Variants in GRIA4 observed in about 807,000 individuals in gnomAD.
GRIA4 encodes glutamate ionotropic receptor AMPA type subunit 4, also known as glutamate receptor 4.
In GRIA4, 34 loss-of-function variants were observed where a neutral mutation model predicts 104.0. The ratio of observed to expected loss-of-function variants is 0.33; its 90% CI spans 0.25 to 0.44. The LOEUF is 0.44. Ranked by LOEUF, GRIA4 falls within the 20% of genes least tolerant of loss-of-function variation. The pLI, the probability that GRIA4 is intolerant of heterozygous loss-of-function variation, is 1.00. For synonymous variants in GRIA4, 386 were observed against 381.9 expected, an observed-to-expected ratio of 1.01 and a Z score of -0.13; for missense variants, 750 against 1,096.5, an observed-to-expected ratio of 0.68 and a Z score of 4.46.
At chr11:105,864,714 T>TA (rs933195939) in intron 5 of GRIA4, among the ~76,000 whole-genome samples, 3 of 151,766 alleles carry the variant, frequency 2.0e-5, no homozygotes, top group African/African-American at 7.3e-5. Context: ...CTACTAAAAA[T>TA]AAAAAATTAG....
At chr11:105,825,425 G>A (rs549206663) in intron 4 of GRIA4, among the ~76,000 whole-genome samples, 1 of 152,140 alleles carries the variant, frequency 6.6e-6, no homozygotes, top group African/African-American at 2.4e-5. Context: ...GATGCTGCTG[G>A]GTTCAGGCCA....
intron 5 of GRIA4, among the ~76,000 whole-genome samples, chr11:105,863,252 AT>A (rs1945291530): frequency 6.6e-6 from 1 of 152,136 alleles, no homozygotes; most frequent in Admixed American, 6.6e-5. Context: ...CCTCAACTAT[AT>A]TAGCATTTGT....
chr11:105,688,952 T>TAA (rs551820465), intron 3 of GRIA4, among the ~76,000 whole-genome samples: 2 of 150,334 alleles, frequency 1.3e-5, no homozygotes, highest in African/African-American at 4.9e-5. Flanking sequence ...AGTTGACACC[T>TAA]AAAAAAAAAT....
intron 5 of GRIA4, among the ~76,000 whole-genome samples, chr11:105,887,251 A>C (rs1413429044): frequency 6.6e-6 from 1 of 152,140 alleles, no homozygotes; most frequent in Non-Finnish European, 1.5e-5. Context: ...GTTGGTTCAT[A>C]GCATTGTCAT....
chr11:105,762,513 C>T (rs1023777015), intron 4 of GRIA4, among the ~76,000 whole-genome samples: 2 of 152,156 alleles, frequency 1.3e-5, no homozygotes, highest in Non-Finnish European at 2.9e-5. Flanking sequence ...GAAATATTTA[C>T]TTGCCACAGA....
intron 14 of GRIA4, among the ~76,000 whole-genome samples, chr11:105,943,961 T>TA (rs1339963516): frequency 6.6e-6 from 1 of 152,108 alleles, no homozygotes; most frequent in Non-Finnish European, 1.5e-5. Context: ...GAATATTTAT[T>TA]AAAAACAATG....
intron 3 of GRIA4, among the ~76,000 whole-genome samples, chr11:105,663,594 C>T (rs1565445859): frequency 6.6e-6 from 1 of 151,894 alleles, no homozygotes. Flanking sequence ...AGAAATCTAA[C>T]ATTTGAAATT....
intron 4 of GRIA4, among the ~76,000 whole-genome samples, chr11:105,778,584 A>G (rs1171540904): frequency 6.6e-6 from 1 of 152,130 alleles, no homozygotes; most frequent in Non-Finnish European, 1.5e-5. Flanking sequence ...GTGCACCTGT[A>G]ATCCCAGCTA....
At chr11:105,798,780 A>G (rs1435033609) in intron 4 of GRIA4, among the ~76,000 whole-genome samples, 1 of 152,138 alleles carries the variant, frequency 6.6e-6, no homozygotes, top group East Asian at 1.9e-4. Flanking sequence ...TTTTGACTCT[A>G]GCAACCAGAA....
rs1565241347 is a variant in GRIA4, at chr11:105,794,496, TATATATATATATATATAC to T, written c.487+41282_487+41299del. On this transcript the variant is annotated intron_variant, in intron 4 of 16. Coordinates refer to ENST00000282499, the MANE Select transcript of GRIA4 (RefSeq NM_000829.4). ...ATGTATATATATATATATATATATA[TATATATATATATATATAC>T]ATATACACACACACACATATCTGTC... 3.1e-3 allele frequency among the ~76,000 whole-genome samples: 377 copies of T among 120,654 alleles called. 10 individuals are homozygous for T. The highest frequency in any genetic ancestry group is 0.011 in the African/African-American group (355 of 31,196). 79.2% of individuals were successfully genotyped at this position (120,654 alleles called of 152,430 possible).
intron 9 of GRIA4, among the ~76,000 whole-genome samples, chr11:105,906,647 C>G (rs1156512016): frequency 6.6e-6 from 1 of 152,166 alleles, no homozygotes; most frequent in East Asian, 1.9e-4. Context: ...CTCGTGCAGG[C>G]TGCCAGCTAA....
intron 3 of GRIA4, among the ~76,000 whole-genome samples, chr11:105,749,963 T>C (rs1565515553): frequency 6.6e-6 from 1 of 152,184 alleles, no homozygotes; most frequent in Non-Finnish European, 1.5e-5. Context: ...TATGAAAACA[T>C]AAAAATTTAC....
intron 3 of GRIA4, among the ~76,000 whole-genome samples, chr11:105,733,102 G>A (rs1160952880): frequency 2.6e-5 from 4 of 151,994 alleles, no homozygotes; most frequent in Admixed American, 2.6e-4. Flanking sequence ...AACTCTCTTT[G>A]TCAGATATAT....
intron 6 of GRIA4, among the ~76,000 whole-genome samples, chr11:105,894,791 ATTT>A (rs569292239): frequency 1.6e-4 from 20 of 126,344 alleles, no homozygotes; most frequent in Admixed American, 1.2e-3. Flanking sequence ...ATTGCTACAT[ATTT>A]TTTTTTTTTT....
chr11:105,838,654 C>G (rs1429978949), intron 4 of GRIA4, among the ~76,000 whole-genome samples: 1 of 152,134 alleles, frequency 6.6e-6, no homozygotes, highest in Non-Finnish European at 1.5e-5. Flanking sequence ...CTCTTGGACA[C>G]AAGCTTTTTC....
At chr11:105,830,106 C>T (rs904333642) in intron 4 of GRIA4, among the ~76,000 whole-genome samples, 3 of 151,938 alleles carry the variant, frequency 2.0e-5, no homozygotes, top group Non-Finnish European at 1.5e-5. Context: ...AGCTTAACAT[C>T]AAAGATCTTC....
intron 3 of GRIA4, among the ~76,000 whole-genome samples, chr11:105,732,203 G>A (rs921577430): frequency 6.6e-6 from 1 of 152,154 alleles, no homozygotes; most frequent in Non-Finnish European, 1.5e-5. Flanking sequence ...AAAAGAGAGT[G>A]TGGCTACTCC....
chr11:105,908,073 G>A (rs1483686420), intron 9 of GRIA4, among the ~76,000 whole-genome samples: 1 of 152,078 alleles, frequency 6.6e-6, no homozygotes, highest in Non-Finnish European at 1.5e-5. Flanking sequence ...GCTCTCCAAG[G>A]AACCAACTTT....
intron 3 of GRIA4, among the ~76,000 whole-genome samples, chr11:105,668,196 AT>A (rs1423385174): frequency 0.021 from 7 of 340 alleles, no homozygotes; most frequent in African/African-American, 0.092. Flanking sequence ...TCCATTGCAT[AT>A]ACACACACAC....
Sources: allele counts gnomAD v4.1 joint callset (sites outside exome capture counted in the v4.1 genomes callset), GRCh38; gene constraint gnomAD v4.1.1; transcripts MANE v1.5; gene names NCBI Gene and HGNC (gene_info 2026-07-23, HGNC 2026-07-21).